Variants in DNHD1 observed in about 807,000 individuals in gnomAD.
DNHD1 encodes dynein heavy chain domain-containing protein 1.
In DNHD1, 383 loss-of-function variants were observed where a neutral mutation model predicts 458.1. That is an observed-to-expected ratio of 0.84 (90% CI 0.77 to 0.91). DNHD1 has a LOEUF of 0.91. Among genes scored for constraint, DNHD1 ranks in the 40% least tolerant of loss-of-function variants. The pLI is 0.00. For missense variants in DNHD1, 5,336 were observed against 5,866.1 expected, an observed-to-expected ratio of 0.91 and a Z score of 2.95; for synonymous variants, 2,203 against 2,376.9, an observed-to-expected ratio of 0.93 and a Z score of 2.13.
rs1407789290 is a variant in DNHD1 at position 6,568,503 on chromosome 11, G to A, written c.12588G>A (p.Arg4196=). The A allele has an allele frequency of 6.2e-7, 1 of 1,613,846 alleles. No individual in the cohort carries two copies. The highest frequency in any genetic ancestry group is 1.3e-5 in the African/African-American group (1 of 74,920). ...AGCTTTTAGACCAACCTGAAAGCAG[G>A]AATGTAAGCACTGTTCACAGAGATT... ...SEQLLDQPES[R]NVSTVHRDFR... Residue 4196 remains arginine, a synonymous_variant, in exon 38 of 43, where the codon AGG becomes AGA. Coordinates refer to ENST00000254579, the MANE Select transcript of DNHD1 (RefSeq NM_144666.3).
chr11:6,552,446 C>T (rs1853376050), intron 24 of DNHD1, among the ~76,000 whole-genome samples: 1 of 152,032 alleles, frequency 6.6e-6, no homozygotes, highest in Admixed American at 6.6e-5. Flanking sequence ...ATCGCTTGAA[C>T]CTGGGAGGCA....
At position 6,547,081 on chromosome 11, in the gene DNHD1, T is replaced by A. The variant is rs1167890713; in HGVS notation, c.6142T>A (p.Ser2048Thr). The change falls in exon 21 of 43, where the codon TCC becomes ACC. Residue 2048 changes from serine (S) to threonine (T), a missense_variant. Physicochemically the swap from Ser to Thr is moderately conservative, Grantham distance 58 (BLOSUM62 1). Coordinates refer to ENST00000254579, the MANE Select transcript of DNHD1 (RefSeq NM_144666.3). The part of the protein sequence containing the change: ...PQEFLGWLEG[S>T]CWHHGIFPKV... ...GGAGTTCCTGGGATGGCTAGAGGGC[T>A]CCTGCTGGCATCATGGCATCTTTCC... The A allele has an allele frequency of 6.4e-7, 1 of 1,551,590 alleles. No individual in the cohort carries two copies. The highest frequency in any genetic ancestry group is 8.7e-7 in the Non-Finnish European group (1 of 1,147,000).
Position 6,567,198 on chromosome 11 carries a change from A to G in DNHD1, c.11689A>G (p.Ile3897Val), listed in dbSNP as rs1049730095. 4 of 1,613,934 alleles carry G rather than the reference A, an allele frequency of 2.5e-6. No homozygotes were observed. Among genetic ancestry groups the G allele is most frequent in the Admixed American group, 1.7e-5 (1 of 60,012 alleles). ...QALDSMKPRE[I>V]NHGEDLASHL... Reference sequence around the variant, plus strand: ...TCTGGACAGCATGAAGCCACGTGAGATTAATCACGGGGAGGACCTGGCCAG... The same window carrying G: ...TCTGGACAGCATGAAGCCACGTGAGGTTAATCACGGGGAGGACCTGGCCAG... The change falls in exon 36 of 43, where the codon ATT (isoleucine) becomes GTT (valine). Residue 3897 changes from isoleucine (I) to valine (V), a missense_variant. By Grantham distance (29) the Ile-to-Val change is conservative (BLOSUM62 3). Around this residue, in one of 4 missense-constraint regions of DNHD1, gnomAD observed 695 missense variants for 804.2 expected, o/e 0.86. Transcript: ENST00000254579.
At chr11:6,499,290 T>G (rs1164024950) in intron 3 of DNHD1, among the ~76,000 whole-genome samples, 1 of 152,188 alleles carries the variant, frequency 6.6e-6, no homozygotes, top group Non-Finnish European at 1.5e-5. Flanking sequence ...TCTCCTTAAT[T>G]ATTTTTCTAT....
intron 7 of DNHD1, among the ~76,000 whole-genome samples, chr11:6,516,956 C>T (rs1852484074): frequency 6.6e-6 from 1 of 152,088 alleles, no homozygotes; most frequent in African/African-American, 2.4e-5. Context: ...ACTCCTTTGT[C>T]TTAGTCCACT....
intron 24 of DNHD1, 31 bp from the exon 25 acceptor site, chr11:6,556,652 T>C (rs1299964259): frequency 2.7e-6 from 4 of 1,503,806 alleles, no homozygotes; most frequent in African/African-American, 1.4e-5. Flanking sequence ...GACTTTTACA[T>C]GTCCTCATTA....
chr11:6,571,214 G>C lies in DNHD1; in HGVS notation c.13702G>C (p.Val4568Leu), dbSNP rs752473329. The change falls in exon 42 of 43, where the codon GTG becomes CTG. Residue 4568 changes from valine (V) to leucine (L), a missense_variant. Physicochemically the swap from Val to Leu is conservative, Grantham distance 32. Coordinates refer to ENST00000254579, the MANE Select transcript of DNHD1 (RefSeq NM_144666.3). This position sits in a 1 kb window ranked among gnomAD's most constrained non-coding sequence, Gnocchi z 5.0. ...RGQLLVRYLGVGADASSDVPE... is the reference protein window; with the variant it reads ...RGQLLVRYLGLGADASSDVPE... ...GCAACTGTTGGTTCGTTACTTGGGC[G>C]TGGGCGCGGACGCGAGCAGTGATGT... is the stretch of plus-strand genomic sequence containing the variant. 6.2e-7 allele frequency: 1 copy of C among 1,608,386 alleles called. No homozygotes were observed. Among genetic ancestry groups the C allele is most frequent in the Admixed American group, 1.7e-5 (1 of 59,834 alleles).
intron 7 of DNHD1, among the ~76,000 whole-genome samples, chr11:6,515,225 G>GT (rs1309998974): frequency 1.3e-5 from 2 of 152,162 alleles, no homozygotes; most frequent in Non-Finnish European, 2.9e-5. Context: ...ATGTCAGTAT[G>GT]TTTTTTCTGT....
chr11:6,568,841 A>G lies in DNHD1; in HGVS notation c.12838A>G (p.Arg4280Gly). 3 of 1,611,950 alleles carry G rather than the reference A, an allele frequency of 1.9e-6. No individual in the cohort carries two copies. Among genetic ancestry groups the G allele is most frequent in the Non-Finnish European group, 2.5e-6 (3 of 1,179,158 alleles). The change falls in exon 39 of 43, where the codon AGG becomes GGG. Residue 4280 changes from arginine to glycine, a missense_variant. Transcript: ENST00000254579. ...LLLHRQLYGT[R>G]LQAHRGRWSQ... ...GCTACACCGGCAGCTCTATGGAACA[A>G]GGCTGCAGGCACACAGGGGGCGCTG... is the stretch of plus-strand genomic sequence containing the variant.
At position 6,558,276 on chromosome 11, in the gene DNHD1, A is replaced by G; in HGVS notation, c.8981A>G (p.Lys2994Arg). ...RENLGVKQNIKKEMVLQRFHQ... is the reference protein window; with the variant it reads ...RENLGVKQNIRKEMVLQRFHQ... The stretch of plus-strand genomic sequence containing the variant: ...AACCTTGGTGTCAAACAGAACATCA[A>G]GAAGGAAATGGTGTTGCAGAGGTGA... Residue 2994 changes from lysine (K) to arginine (R), a missense_variant, in exon 25 of 43, where the codon AAG becomes AGG. Transcript: ENST00000254579. 3.2e-6 allele frequency: 5 copies of G among 1,551,462 alleles called. No individual in the cohort carries two copies. The highest frequency in any genetic ancestry group is 3.9e-5 in the Admixed American group (2 of 51,012).
chr11:6,499,391 G>A (rs1852092885), intron 3 of DNHD1, among the ~76,000 whole-genome samples: 1 of 152,160 alleles, frequency 6.6e-6, no homozygotes, highest in Non-Finnish European at 1.5e-5. Context: ...CCTGGGGAAT[G>A]TGTGTCCGAG....
rs764265627 is a variant in DNHD1 at position 6,502,807 on chromosome 11, C to T, written c.801C>T (p.Thr267=). 22 of 1,612,348 alleles carry T rather than the reference C, an allele frequency of 1.4e-5. No homozygotes were observed. Among genetic ancestry groups the T allele is most frequent in the East Asian group, 4.5e-5 (2 of 44,790 alleles). Reference sequence around the variant, plus strand: ...AAAAGGCCTTCCAAAAGAGCAGCACCGGCTTTTCACCTGAGACTTCCTTCC... The same window carrying T: ...AAAAGGCCTTCCAAAAGAGCAGCACTGGCTTTTCACCTGAGACTTCCTTCC... ...PREKAFQKSS[T]GFSPETSFLD... Residue 267 remains threonine, a synonymous_variant, in exon 4 of 43, where the codon ACC becomes ACT. Coordinates refer to ENST00000254579, the MANE Select transcript of DNHD1 (RefSeq NM_144666.3).
At chr11:6,502,709 A>G (rs1205876234) in intron 3 of DNHD1, 44 bp from the exon 4 acceptor site, 2 of 1,529,102 alleles carry the variant, frequency 1.3e-6, no homozygotes, top group East Asian at 2.3e-5. Context: ...AAGGTACTTG[A>G]CCTTTTTACT....
Position 6,547,090 on chromosome 11 carries a change from C to T in DNHD1, c.6151C>T (p.His2051Tyr), listed in dbSNP as rs1271458702. ...GGGATGGCTAGAGGGCTCCTGCTGG[C>T]ATCATGGCATCTTTCCCAAGGTACT... The part of the protein sequence containing the change: ...FLGWLEGSCW[H>Y]HGIFPKVLRA... Residue 2051 changes from histidine to tyrosine, a missense_variant, in exon 21 of 43, where the codon CAT becomes TAT. Transcript: ENST00000254579. 6.4e-7 allele frequency: 1 copy of T among 1,551,738 alleles called. No individual in the cohort carries two copies. Among genetic ancestry groups the T allele is most frequent in the East Asian group, 2.4e-5 (1 of 40,914 alleles).
intron 28 of DNHD1, among the ~76,000 whole-genome samples, chr11:6,559,625 T>C (rs1853544517): frequency 6.6e-6 from 1 of 152,360 alleles, no homozygotes; most frequent in South Asian, 2.1e-4. Context: ...CACCACTCAC[T>C]CACCTCTTAG....
rs763188144 is a variant in DNHD1 at position 6,544,577 on chromosome 11, C to G, written c.3758C>G (p.Ala1253Gly). 10 of 1,550,984 alleles carry G rather than the reference C, an allele frequency of 6.4e-6. No homozygotes were observed. Among genetic ancestry groups the G allele is most frequent in the Non-Finnish European group, 8.7e-6 (10 of 1,146,530 alleles). Residue 1253 changes from alanine to glycine, a missense_variant, in exon 20 of 43, where the codon GCC (alanine) becomes GGC (glycine). By Grantham distance (60) the Ala-to-Gly change is moderately conservative (BLOSUM62 0). This residue lies in a region of DNHD1 where 3,932 missense variants were observed against 4,365.6 expected (regional missense o/e 0.90). Transcript: ENST00000254579. ...ATTCCTCTGGCTGCTTACACAGGTG[C>G]CCTGCTGGAGGTGTGGCTGACTTTC... ...EWVAIMHGLG[A>G]LLEVWLTFQQ...
rs1189530347 is a variant in DNHD1, at chr11:6,538,492, G to A, written c.3108G>A (p.Lys1036=). 1.4e-5 allele frequency: 21 copies of A among 1,551,800 alleles called. No homozygotes were observed. The East Asian group carries it at 4.9e-4, about 36-fold the overall frequency. ...TCTCCGAAAACATCAGCGAGTGGAA[G>A]TGCATGGCTTTTGCCAAGGTGCTGA... The part of the protein sequence containing the change: ...RVISENISEW[K]CMAFAKFSPA... The change falls in exon 15 of 43, where the codon AAG becomes AAA. Residue 1036 remains lysine, a synonymous_variant. Transcript: ENST00000254579.
At position 6,558,921 on chromosome 11, in the gene DNHD1, C is replaced by T. The variant is rs1309479807; in HGVS notation, c.9231C>T (p.Asp3077=). ...PLDDGSWKYP[D]LQASIPSVAK... Reference sequence around the variant, plus strand: ...TTGCAGGCTCCTGGAAGTACCCAGACCTCCAGGCCTCAATTCCCAGTGTGG... The same window carrying T: ...TTGCAGGCTCCTGGAAGTACCCAGATCTCCAGGCCTCAATTCCCAGTGTGG... The change falls in exon 27 of 43, where the codon GAC becomes GAT. Residue 3077 remains aspartate (D), a synonymous_variant. Transcript: ENST00000254579. The T allele has an allele frequency of 6.4e-7, 1 of 1,551,710 alleles. No homozygotes were observed. The highest frequency in any genetic ancestry group is 2.4e-5 in the East Asian group (1 of 40,908).
In DNHD1 at chr11:6,545,518, C is replaced by T. The variant is rs1220460779; in HGVS notation, c.4579C>T (p.Leu1527=). Residue 1527 remains leucine, a synonymous_variant, in exon 21 of 43, where the codon CTG becomes TTG. Transcript: ENST00000254579. The surrounding 1 kb of genome is among the most constrained non-coding windows in gnomAD (Gnocchi z 4.9). The part of the protein sequence containing the change: ...VVWRAEMEEA[L]LEWGTLAMVS... ...ATGGCGGGCCGAGATGGAGGAGGCT[C>T]TGCTTGAGTGGGGTACCCTGGCCAT... 2.6e-6 allele frequency: 4 copies of T among 1,551,612 alleles called. No individual in the cohort carries two copies. The highest frequency in any genetic ancestry group is 3.5e-6 in the Non-Finnish European group (4 of 1,147,006).
Sources: allele counts gnomAD v4.1 joint callset (sites outside exome capture counted in the v4.1 genomes callset), GRCh38; gene constraint gnomAD v4.1.1; regional missense constraint gnomAD v4.1.1; non-coding constraint Gnocchi (gnomAD v3.1); transcripts MANE v1.5; gene names NCBI Gene and HGNC (gene_info 2026-07-23, HGNC 2026-07-21).